The following ITGBL1 variants were observed in gnomAD, a reference collection of about 807,000 sequenced individuals.
ITGBL1 encodes the protein integrin subunit beta like 1, also known as integrin beta-like protein 1.
A neutral mutation model predicts 68.5 loss-of-function variants in ITGBL1; 51 were observed. The ratio of observed to expected loss-of-function variants is 0.74; its 90% CI spans 0.59 to 0.94. The LOEUF is 0.94. Ranked by LOEUF, ITGBL1 falls within the 40% of genes least tolerant of loss-of-function variation. The probability of loss-of-function intolerance (pLI) is 0.00; values close to 1 mark genes in which losing one functional copy is unlikely to be tolerated. For missense variants in ITGBL1, 649 were observed against 647.4 expected, an observed-to-expected ratio of 1.00 and a Z score of -0.03; for synonymous variants, 209 against 227.3, an observed-to-expected ratio of 0.92 and a Z score of 0.72.
chr13:101,537,651 T>C lies in ITGBL1; in HGVS notation c.317-30048T>C, dbSNP rs140452006. 1.5e-3 allele frequency among the ~76,000 whole-genome samples: 222 copies of C among 152,186 alleles called. 1 individual carries two copies. Among genetic ancestry groups the C allele is most frequent in the African/African-American group, 4.7e-3 (196 of 41,572 alleles). On this transcript the variant is annotated intron_variant, in intron 2 of 10. Transcript: ENST00000376180. ...TAAATTATTAATTTAAAAACACACA[T>C]TTTTCATGTAAAGCAGAGGGTTCCC...
chr13:101,554,877 C>A (rs886476408), intron 2 of ITGBL1, among the ~76,000 whole-genome samples: 1 of 152,192 alleles, frequency 6.6e-6, no homozygotes, highest in African/African-American at 2.4e-5. Flanking sequence ...TAATTACATT[C>A]TCTTGGCTCT....
intron 7 of ITGBL1, among the ~76,000 whole-genome samples, chr13:101,684,888 A>G (rs908493113): frequency 2.6e-5 from 4 of 151,910 alleles, no homozygotes; most frequent in African/African-American, 9.7e-5. Flanking sequence ...CTTTTTCACT[A>G]GTAAAACACT....
chr13:101,571,407 C>T (rs1045528402), intron 3 of ITGBL1, among the ~76,000 whole-genome samples: 3 of 152,048 alleles, frequency 2.0e-5, no homozygotes, highest in African/African-American at 7.2e-5. Flanking sequence ...ATTTTCTTCT[C>T]TTTTAGTGTG....
chr13:101,712,975 C>G (rs996297273), intron 9 of ITGBL1: 1 of 152,158 alleles, frequency 6.6e-6, no homozygotes, highest in Non-Finnish European at 1.5e-5. Flanking sequence ...TATATTTCCT[C>G]AAGAGCATGC....
intron 7 of ITGBL1, among the ~76,000 whole-genome samples, chr13:101,677,916 T>G (rs1199263615): frequency 6.6e-6 from 1 of 152,308 alleles, no homozygotes; most frequent in African/African-American, 2.4e-5. Context: ...ATCCCGAATA[T>G]GATGCTAAAA....
chr13:101,707,161 A>G (rs1414127636), intron 9 of ITGBL1, among the ~76,000 whole-genome samples: 1 of 152,232 alleles, frequency 6.6e-6, no homozygotes, highest in African/African-American at 2.4e-5. Context: ...TAATACTTTT[A>G]TCAAGAAATT....
At chr13:101,670,253 G>T (rs190340617) in intron 7 of ITGBL1, among the ~76,000 whole-genome samples, 4 of 152,186 alleles carry the variant, frequency 2.6e-5, no homozygotes, top group Admixed American at 2.6e-4. Context: ...TCATAACCTC[G>T]GGCAGACAAT....
chr13:101,471,572 A>G (rs531262075), intron 2 of ITGBL1, among the ~76,000 whole-genome samples: 7 of 145,922 alleles, frequency 4.8e-5, no homozygotes, highest in Non-Finnish European at 7.8e-5. Context: ...GTGTGTGTAT[A>G]TATATTTCTC....
intron 2 of ITGBL1, among the ~76,000 whole-genome samples, chr13:101,546,322 A>G (rs961257085): frequency 6.6e-6 from 1 of 152,158 alleles, no homozygotes; most frequent in African/African-American, 2.4e-5. Context: ...TAATTTCATT[A>G]TTGGGTGTTA....
intron 2 of ITGBL1, among the ~76,000 whole-genome samples, chr13:101,516,036 A>G (rs1194512283): frequency 6.6e-6 from 1 of 152,134 alleles, no homozygotes; most frequent in Non-Finnish European, 1.5e-5. Flanking sequence ...TGCAGAAGAA[A>G]ATAAAACAAT....
At chr13:101,564,306 G>A (rs1424165652) in intron 2 of ITGBL1, among the ~76,000 whole-genome samples, 1 of 151,774 alleles carries the variant, frequency 6.6e-6, no homozygotes, top group Non-Finnish European at 1.5e-5. Context: ...GTTAGGCAAA[G>A]GTTTTTCAAG....
chr13:101,600,228 G>A (rs1176956420), intron 7 of ITGBL1, among the ~76,000 whole-genome samples: 4 of 151,938 alleles, frequency 2.6e-5, no homozygotes, highest in Non-Finnish European at 5.9e-5. Context: ...TCATGATTTG[G>A]CTCTCTGTTT....
chr13:101,641,988 G>A (rs2139431986), intron 7 of ITGBL1, among the ~76,000 whole-genome samples: 1 of 152,150 alleles, frequency 6.6e-6, no homozygotes. Flanking sequence ...TTGGTTCCAA[G>A]TCTTTGCTAT....
At chr13:101,548,974 A>G (rs777847340) in intron 2 of ITGBL1, among the ~76,000 whole-genome samples, 2 of 151,952 alleles carry the variant, frequency 1.3e-5, no homozygotes, top group Non-Finnish European at 2.9e-5. Flanking sequence ...CAGACCTACC[A>G]ATTATTTTTT....
intron 7 of ITGBL1, among the ~76,000 whole-genome samples, chr13:101,625,843 C>G (rs1486344113): frequency 2.6e-5 from 4 of 152,150 alleles, no homozygotes; most frequent in Non-Finnish European, 5.9e-5. Flanking sequence ...CGTGAGCCAC[C>G]GCACCCGGCC....
chr13:101,667,340 T>G (rs1214604139), intron 7 of ITGBL1, among the ~76,000 whole-genome samples: 1 of 152,170 alleles, frequency 6.6e-6, no homozygotes, highest in Admixed American at 6.6e-5. Context: ...CGTTTTTGCT[T>G]GCATTGGAAG....
Position 101,715,890 on chromosome 13 carries a change from C to A in ITGBL1, c.*236C>A. ...CATAATTAACATAAGTGGTTCCTAA[C>A]GAGAGCAATTTTTCCACCCAAAAGT... On this transcript the variant is annotated 3_prime_UTR_variant, in exon 11 of 11. Coordinates refer to ENST00000376180, the MANE Select transcript of ITGBL1 (RefSeq NM_004791.3). 2.4e-6 allele frequency: 1 copy of A among 415,610 alleles called. No homozygotes were observed. The allele number at this position is 415,610 out of a possible 1,614,324, so 25.7% of individuals were successfully genotyped here. A position where few individuals can be genotyped will look rare whatever the true frequency, so the allele number is the denominator to read the frequency against.
At chr13:101,559,759 G>C (rs1418294430) in intron 2 of ITGBL1, among the ~76,000 whole-genome samples, 3 of 152,170 alleles carry the variant, frequency 2.0e-5, no homozygotes, top group Admixed American at 6.5e-5. Context: ...TTCACTTGTA[G>C]AATGGAAAAA....
intron 6 of ITGBL1, among the ~76,000 whole-genome samples, chr13:101,590,560 T>G (rs1217262136): frequency 6.6e-6 from 1 of 152,122 alleles, no homozygotes; most frequent in Non-Finnish European, 1.5e-5. Context: ...CTTTCAAGAG[T>G]GGAGAAACTT....
Sources: gnomAD v4.1 joint callset for allele counts (sites outside exome capture counted in the v4.1 genomes callset) on GRCh38, gnomAD v4.1.1 for gene constraint, MANE v1.5 for transcripts, NCBI Gene and HGNC (gene_info 2026-07-23, HGNC 2026-07-21) for gene names.